The following ADGRV1 variants were observed in gnomAD, a reference collection of about 807,000 sequenced individuals.
ADGRV1 encodes adhesion G protein-coupled receptor V1, also known as G-protein coupled receptor 98.
ADGRV1 carries 359 observed loss-of-function variants against 596.2 expected under a neutral mutation model. The ratio of observed to expected loss-of-function variants is 0.60; its 90% CI spans 0.55 to 0.66. The LOEUF (loss-of-function observed/expected upper bound fraction) is 0.66, where lower values mean the gene tolerates loss of function less well. Ranked by LOEUF, ADGRV1 falls within the 30% of genes least tolerant of loss-of-function variation. ADGRV1 has a pLI of 0.00. For synonymous variants in ADGRV1, 2,681 were observed against 2,679.2 expected (o/e 1.00, Z -0.02); for missense variants, 7,274 against 7,575.6 (o/e 0.96, Z 1.48).
intron 87 of ADGRV1, among the ~76,000 whole-genome samples, chr5:91,103,101 T>C (rs1791536597): frequency 6.6e-6 from 1 of 152,182 alleles, no homozygotes; most frequent in Admixed American, 6.5e-5. Flanking sequence ...CACAGACATA[T>C]ACACACCTTC....
chr5:90,971,291 G>C (rs974279292), intron 84 of ADGRV1, among the ~76,000 whole-genome samples: 18 of 152,318 alleles, frequency 1.2e-4, no homozygotes, highest in Non-Finnish European at 2.5e-4. Flanking sequence ...ATATTATCCA[G>C]GAGGACTTCC....
chr5:90,943,628 A>G (rs1268356654), intron 83 of ADGRV1, among the ~76,000 whole-genome samples: 1 of 152,142 alleles, frequency 6.6e-6, no homozygotes, highest in African/African-American at 2.4e-5. Context: ...ACATGTCCAA[A>G]TTCAAGATGT....
chr5:90,699,415 G>A (rs1470569259), intron 34 of ADGRV1, among the ~76,000 whole-genome samples: 2 of 152,012 alleles, frequency 1.3e-5, no homozygotes, highest in African/African-American at 4.8e-5. Context: ...TTGTTTTGTT[G>A]AAGAAATAGG....
chr5:91,095,524 T>G (rs1167665232), intron 86 of ADGRV1, among the ~76,000 whole-genome samples: 3 of 152,148 alleles, frequency 2.0e-5, no homozygotes, highest in African/African-American at 7.2e-5. Flanking sequence ...ACCCTCAGTT[T>G]ATTTGCTGAG....
At chr5:90,573,120 T>TCC (rs1554049662) in intron 1 of ADGRV1, among the ~76,000 whole-genome samples, 1 of 151,804 alleles carries the variant, frequency 6.6e-6, no homozygotes, top group Non-Finnish European at 1.5e-5. Flanking sequence ...GCTTTCCAAT[T>TCC]CAGTTTTTCC....
chr5:90,893,229 G>A (rs1770991778), intron 83 of ADGRV1, among the ~76,000 whole-genome samples: 1 of 152,084 alleles, frequency 6.6e-6, no homozygotes, highest in African/African-American at 2.4e-5. Flanking sequence ...CTTGCTTTAG[G>A]AAGGCTTTGG....
rs1388822511 is a variant in ADGRV1, at chr5:90,819,456, C to T, written c.16196+3720C>T. ...TTTTAGTTATTTCTTGCCTTCTGCTCGCTTTTGAATGTGTTTGCTCTTGCT... is the reference window on the plus strand; with the variant it reads ...TTTTAGTTATTTCTTGCCTTCTGCTTGCTTTTGAATGTGTTTGCTCTTGCT... On this transcript the variant is annotated intron_variant, in intron 75 of 89. Transcript: ENST00000405460. Among the ~76,000 whole-genome samples, 32 of 147,746 alleles carry T rather than the reference C, an allele frequency of 2.2e-4. 1 individual carries two copies. Among genetic ancestry groups the T allele is most frequent in the East Asian group, 5.8e-4 (3 of 5,162 alleles).
chr5:90,672,643 C>G lies in ADGRV1; in HGVS notation c.4850C>G (p.Thr1617Ser), dbSNP rs1772646606. Residue 1617 changes from threonine (T) to serine (S), a missense_variant, in exon 22 of 90, where the codon ACT (threonine) becomes AGT (serine). Coordinates refer to ENST00000405460, the MANE Select transcript of ADGRV1 (RefSeq NM_032119.4). Reference protein sequence around the residue: ...HVFYTISQIETDGINYLVDDF... With the variant: ...HVFYTISQIESDGINYLVDDF... ...TTTTACACCATTTCACAGATTGAAA[C>G]TGATGGCATTAATTACCTTGTTGAT... 6.2e-7 allele frequency: 1 copy of G among 1,613,456 alleles called. No individual in the cohort carries two copies. The highest frequency in any genetic ancestry group is 1.3e-5 in the African/African-American group (1 of 74,902).
chr5:91,089,378 G>T (rs1235651446), intron 86 of ADGRV1, among the ~76,000 whole-genome samples: 1 of 151,922 alleles, frequency 6.6e-6, no homozygotes, highest in Non-Finnish European at 1.5e-5. Flanking sequence ...AGAGTCAAAG[G>T]ATTTAACTCA....
At chr5:91,049,464 T>A (rs1266276754) in intron 85 of ADGRV1, among the ~76,000 whole-genome samples, 1 of 152,240 alleles carries the variant, frequency 6.6e-6, no homozygotes, top group Non-Finnish European at 1.5e-5. Flanking sequence ...AAACTTTCCA[T>A]ATGGTGATCT....
intron 34 of ADGRV1, among the ~76,000 whole-genome samples, chr5:90,698,437 A>C (rs1747484389): frequency 6.6e-6 from 1 of 152,186 alleles, no homozygotes. Context: ...GCTTATGCCC[A>C]GCTGTGTCAA....
At position 90,748,813 on chromosome 5, in the gene ADGRV1, G is replaced by GTTTTTT. The variant is rs10700327; in HGVS notation, c.10975-1734_10975-1729dup. On this transcript the variant is annotated intron_variant, in intron 52 of 89. Coordinates refer to ENST00000405460, the MANE Select transcript of ADGRV1 (RefSeq NM_032119.4). ...AATTGCCTAGTTTGTCTATCATCAAGTTTTTTTTTGTTTTTTTTTTAACTA... is the reference window on the plus strand; with the variant it reads ...AATTGCCTAGTTTGTCTATCATCAAGTTTTTTTTTTTTTTTGTTTTTTTTTTAACTA... Among the ~76,000 whole-genome samples the GTTTTTT allele has an allele frequency of 8.6e-4, 123 of 142,318 alleles. 3 individuals carry two copies. Among genetic ancestry groups the GTTTTTT allele is most frequent in the African/African-American group, 2.8e-3 (104 of 36,714 alleles). The allele number at this position is 142,318 out of a possible 152,430, so 93.4% of individuals were successfully genotyped here. A position where few individuals can be genotyped will look rare whatever the true frequency, so the allele number is the denominator to read the frequency against.
In ADGRV1 at chr5:91,054,001, T is replaced by C. The variant is rs551428001; in HGVS notation, c.18153-18446T>C. ...AGCATAAGATCAAGAATTTTGTCCA[T>C]TATATGGCACAATAGCCCTGCTGCT... On this transcript the variant is annotated intron_variant, in intron 85 of 89. Transcript: ENST00000405460. 5.3e-5 allele frequency among the ~76,000 whole-genome samples: 8 copies of C among 152,180 alleles called. No homozygotes were observed. In the South Asian group the frequency reaches 1.7e-3, roughly 32 times the overall value.
intron 21 of ADGRV1, among the ~76,000 whole-genome samples, chr5:90,664,415 G>T (rs1388034333): frequency 6.6e-6 from 1 of 151,976 alleles, no homozygotes; most frequent in African/African-American, 2.4e-5. Flanking sequence ...CTCTCTGTTT[G>T]CCTGTTGTTG....
At chr5:90,694,754 C>A (rs1330436205) in intron 33 of ADGRV1, 53 bp downstream of exon 33, 3 of 1,390,444 alleles carry the variant, frequency 2.2e-6, no homozygotes, top group South Asian at 1.5e-5. Context: ...TCATCATAGT[C>A]CATTTTTATG....
At chr5:90,914,572 A>G (rs1223447405) in intron 83 of ADGRV1, among the ~76,000 whole-genome samples, 1 of 152,198 alleles carries the variant, frequency 6.6e-6, no homozygotes, top group Non-Finnish European at 1.5e-5. Flanking sequence ...CAGCAAATGT[A>G]CTATTAATAT....
At chr5:90,643,128 A>G in intron 13 of ADGRV1, 87 bp downstream of exon 13, 1 of 1,188,450 alleles carries the variant, frequency 8.4e-7, no homozygotes, top group South Asian at 1.7e-5. Context: ...GAATATTGGC[A>G]AAGAGACAGG....
chr5:90,919,623 T>C (rs951107154), intron 83 of ADGRV1, among the ~76,000 whole-genome samples: 1 of 152,238 alleles, frequency 6.6e-6, no homozygotes, highest in African/African-American at 2.4e-5. Flanking sequence ...GTTTAAGCTT[T>C]GAGTGTCGTT....
At chr5:90,884,349 T>C (rs916759900) in intron 83 of ADGRV1, among the ~76,000 whole-genome samples, 1 of 152,162 alleles carries the variant, frequency 6.6e-6, no homozygotes, top group Non-Finnish European at 1.5e-5. Flanking sequence ...AATCTATTCT[T>C]TTCATCATTT....
Sources: gnomAD v4.1 joint callset for allele counts (sites outside exome capture counted in the v4.1 genomes callset) on GRCh38, gnomAD v4.1.1 for gene constraint, MANE v1.5 for transcripts, NCBI Gene and HGNC (gene_info 2026-07-23, HGNC 2026-07-21) for gene names.